The following AUTS2 variants were observed in gnomAD, a reference collection of about 807,000 sequenced individuals.
The protein encoded by AUTS2 is activator of transcription and developmental regulator AUTS2.
AUTS2 carries 17 observed loss-of-function variants against 112.4 expected under a neutral mutation model. The ratio of observed to expected loss-of-function variants is 0.15; its 90% CI spans 0.10 to 0.23. The LOEUF (loss-of-function observed/expected upper bound fraction) is 0.23. Ranked by LOEUF, AUTS2 falls within the 10% of genes least tolerant of loss-of-function variation. The probability of loss-of-function intolerance (pLI) is 1.00; values close to 1 mark genes in which losing one functional copy is unlikely to be tolerated. For synonymous variants in AUTS2, 751 were observed against 702.7 expected, an observed-to-expected ratio of 1.07 and a Z score of -1.09; for missense variants, 1,510 against 1,701.6, an observed-to-expected ratio of 0.89 and a Z score of 1.98.
At chr7:69,902,888 G>T (rs765093283) in intron 2 of AUTS2, among the ~76,000 whole-genome samples, 4 of 152,124 alleles carry the variant, frequency 2.6e-5, no homozygotes, top group Non-Finnish European at 4.4e-5. Flanking sequence ...TGCTGAGGTG[G>T]CACCTGTCTT....
chr7:70,151,417 C>T (rs185501281), intron 4 of AUTS2, among the ~76,000 whole-genome samples: 109 of 152,248 alleles, frequency 7.2e-4, no homozygotes, highest in Non-Finnish European at 1.1e-3. Flanking sequence ...GGTCTTGTCT[C>T]AGTATTGAGA....
intron 4 of AUTS2, among the ~76,000 whole-genome samples, chr7:70,309,177 G>A (rs942701406): frequency 1.3e-5 from 2 of 152,198 alleles, no homozygotes; most frequent in Non-Finnish European, 2.9e-5. Context: ...GTTCCTGTCT[G>A]TAGCTATTAA....
rs578000339 is a variant in AUTS2, at chr7:70,232,097, C to T, written c.660+97526C>T. Among the ~76,000 whole-genome samples the T allele has an allele frequency of 1.9e-3, 283 of 152,298 alleles. 1 individual carries two copies. Among genetic ancestry groups the T allele is most frequent in the African/African-American group, 6.6e-3 (274 of 41,572 alleles). On this transcript the variant is annotated intron_variant, in intron 4 of 18. Coordinates refer to ENST00000342771, the MANE Select transcript of AUTS2 (RefSeq NM_015570.4). Reference sequence around the variant, plus strand: ...CTATAATCTGTGTGTGGTTTTTAAACTTCATTTGAATGAATATTTAAAATA... The same window carrying T: ...CTATAATCTGTGTGTGGTTTTTAAATTTCATTTGAATGAATATTTAAAATA...
At chr7:69,733,667 T>TATGTAGTGTTAAGG (rs1786900727) in intron 1 of AUTS2, among the ~76,000 whole-genome samples, 1 of 152,178 alleles carries the variant, frequency 6.6e-6, no homozygotes, top group Non-Finnish European at 1.5e-5. Flanking sequence ...GTATAAACAG[T>TATGTAGTGTTAAGG]ATGTAGTGTT....
intron 16 of AUTS2, chr7:70,785,411 G>T: frequency 2.0e-6 from 1 of 490,950 alleles, no homozygotes; most frequent in Non-Finnish European, 4.0e-6. Flanking sequence ...ACAAGCTGAC[G>T]TTATGGAGAG....
intron 1 of AUTS2, among the ~76,000 whole-genome samples, chr7:69,623,918 C>T (rs185758360): frequency 1.3e-5 from 2 of 152,212 alleles, no homozygotes; most frequent in East Asian, 1.9e-4. Flanking sequence ...TTCTATTCCT[C>T]CTCAAATCCC....
At chr7:70,780,356 A>AGGAT (rs1193271976) in intron 14 of AUTS2, among the ~76,000 whole-genome samples, 1 of 152,140 alleles carries the variant, frequency 6.6e-6, no homozygotes, top group Non-Finnish European at 1.5e-5. Context: ...GATTAGCCTG[A>AGGAT]GGATAGATAA....
intron 6 of AUTS2, among the ~76,000 whole-genome samples, chr7:70,742,350 A>G (rs1788165281): frequency 6.6e-6 from 1 of 152,224 alleles, no homozygotes; most frequent in Non-Finnish European, 1.5e-5. Context: ...AGATTTCTCT[A>G]AAATCTAAAA....
At chr7:70,410,029 C>A (rs1375465721) in intron 4 of AUTS2, among the ~76,000 whole-genome samples, 2 of 152,204 alleles carry the variant, frequency 1.3e-5, no homozygotes, top group Non-Finnish European at 2.9e-5. Context: ...GGAAGCATTT[C>A]TTTTCCTGTT....
rs1554394747 is a variant in AUTS2, at chr7:70,410,398, T to TTTTTTTTA, written c.661-25351_661-25350insTTTTATTT. ...AGGCTCTGTCTTAGGAGGGTTTGTCTTTTATTTATTTATTTATTTATTTAT... is the reference window on the plus strand; with the variant it reads ...AGGCTCTGTCTTAGGAGGGTTTGTCTTTTTTTTATTTATTTATTTATTTATTTATTTAT... On this transcript the variant is annotated intron_variant, in intron 4 of 18. Coordinates refer to ENST00000342771, the MANE Select transcript of AUTS2 (RefSeq NM_015570.4). Among the ~76,000 whole-genome samples, 106 of 140,828 alleles carry TTTTTTTTA rather than the reference T, an allele frequency of 7.5e-4. 1 individual carries two copies. The highest frequency in any genetic ancestry group is 1.2e-3 in the African/African-American group (44 of 38,176). The allele number at this position is 140,828 out of a possible 152,430, so 92.4% of individuals were successfully genotyped here.
chr7:70,010,108 A>T (rs541581774), intron 2 of AUTS2, among the ~76,000 whole-genome samples: 1 of 152,270 alleles, frequency 6.6e-6, no homozygotes, highest in Admixed American at 6.5e-5. Context: ...AGCCTTGCTT[A>T]TTAAAGTATG....
intron 2 of AUTS2, among the ~76,000 whole-genome samples, chr7:69,928,748 C>A (rs973502807): frequency 6.6e-6 from 1 of 152,058 alleles, no homozygotes; most frequent in Non-Finnish European, 1.5e-5. Context: ...ATGCTTGGGT[C>A]TGTAGCCACA....
At chr7:70,137,969 CAG>C (rs1806659701) in intron 4 of AUTS2, among the ~76,000 whole-genome samples, 1 of 152,142 alleles carries the variant, frequency 6.6e-6, no homozygotes, top group Non-Finnish European at 1.5e-5. Context: ...GAACATAAAA[CAG>C]GGTATTCATC....
chr7:70,502,176 G>A (rs1366917985), intron 5 of AUTS2, among the ~76,000 whole-genome samples: 2 of 152,184 alleles, frequency 1.3e-5, no homozygotes, highest in Non-Finnish European at 2.9e-5. Context: ...GACAGTTCCA[G>A]TTTCTAGGAC....
At chr7:70,524,067 C>T (rs1461224947) in intron 5 of AUTS2, among the ~76,000 whole-genome samples, 3 of 152,216 alleles carry the variant, frequency 2.0e-5, no homozygotes, top group South Asian at 2.1e-4. Context: ...TTGGAGGCAA[C>T]GCTACTATTT....
chr7:70,661,978 T>C (rs1205180585), intron 5 of AUTS2, among the ~76,000 whole-genome samples: 1 of 151,646 alleles, frequency 6.6e-6, no homozygotes, highest in Non-Finnish European at 1.5e-5. Flanking sequence ...GCAGGAAGGT[T>C]GGAACCTTCC....
intron 5 of AUTS2, among the ~76,000 whole-genome samples, chr7:70,672,337 A>G (rs552588963): frequency 2.6e-5 from 4 of 152,242 alleles, no homozygotes; most frequent in East Asian, 1.9e-4. Flanking sequence ...AATCCAAAGA[A>G]GGCAATATTA....
chr7:70,469,426 C>T (rs1433913019), intron 5 of AUTS2, among the ~76,000 whole-genome samples: 1 of 152,098 alleles, frequency 6.6e-6, no homozygotes, highest in Non-Finnish European at 1.5e-5. Context: ...GTATAGGCAA[C>T]AGCAAGAGCA....
Position 70,648,641 on chromosome 7 carries a change from G to C in AUTS2, c.691-49928G>C, listed in dbSNP as rs933958984. ...TTGTCACCCAGGCTGGAGTGCAGTG[G>C]CGTAATCTTGGCTCACTGCGACCTC... is the stretch of plus-strand genomic sequence containing the variant. On this transcript the variant is annotated intron_variant, in intron 5 of 18. Transcript: ENST00000342771. Among the ~76,000 whole-genome samples, 3 of 152,112 alleles carry C rather than the reference G, an allele frequency of 2.0e-5. No individual in the cohort carries two copies. In the South Asian group the frequency reaches 6.2e-4, roughly 32 times the overall value.
Sources: allele counts gnomAD v4.1 joint callset (sites outside exome capture counted in the v4.1 genomes callset), GRCh38; gene constraint gnomAD v4.1.1; transcripts MANE v1.5; gene names NCBI Gene and HGNC (gene_info 2026-07-23, HGNC 2026-07-21).